The following ASTN2 variants were observed in gnomAD, a reference collection of about 807,000 sequenced individuals.
ASTN2 encodes the protein astrotactin 2.
In ASTN2, 54 loss-of-function variants were observed where a neutral mutation model predicts 139.8. That is an observed-to-expected ratio of 0.39 (90% CI 0.31 to 0.48). The LOEUF is 0.48. Ranked by LOEUF, ASTN2 falls within the 20% of genes least tolerant of loss-of-function variation. The pLI is 0.95. For missense variants in ASTN2, 1,565 were observed against 1,725.1 expected, an observed-to-expected ratio of 0.91 and a Z score of 1.64; for synonymous variants, 756 against 719.5, an observed-to-expected ratio of 1.05 and a Z score of -0.81.
intron 10 of ASTN2, among the ~76,000 whole-genome samples, chr9:116,902,173 G>C (rs1834027915): frequency 6.6e-6 from 1 of 152,218 alleles, no homozygotes; most frequent in Non-Finnish European, 1.5e-5. Context: ...CTCCATATGT[G>C]TTACTGCCCC....
chr9:116,715,707 T>C (rs193063525), intron 16 of ASTN2, among the ~76,000 whole-genome samples: 3 of 152,308 alleles, frequency 2.0e-5, no homozygotes, highest in East Asian at 3.9e-4. Flanking sequence ...TCTTTCCCAT[T>C]TGACTGTGGG....
chr9:116,919,248 G>C (rs896016085), intron 10 of ASTN2, among the ~76,000 whole-genome samples: 1 of 152,318 alleles, frequency 6.6e-6, no homozygotes, highest in South Asian at 2.1e-4. Flanking sequence ...GGTAGGGATG[G>C]AGGTGGAGGG....
chr9:117,294,036 G>A (rs1390695261), intron 1 of ASTN2, among the ~76,000 whole-genome samples: 5 of 152,210 alleles, frequency 3.3e-5, no homozygotes, highest in Non-Finnish European at 5.9e-5. Flanking sequence ...CTTGCTCCTA[G>A]CACTCTCTCC....
intron 1 of ASTN2, among the ~76,000 whole-genome samples, chr9:117,353,761 AC>A (rs1469457769): frequency 6.6e-6 from 1 of 151,996 alleles, no homozygotes; most frequent in Middle Eastern, 3.2e-3. Context: ...ACTAAATACG[AC>A]CCTTAAATGC....
chr9:117,345,682 G>A (rs1934485), intron 1 of ASTN2, among the ~76,000 whole-genome samples: 38,480 of 152,034 alleles, frequency 0.25, 6,123 homozygotes, highest in East Asian at 0.67. Context: ...ATGCAATGAC[G>A]AGAAATAACT....
chr9:116,927,345 T>C (rs1834782973), intron 10 of ASTN2, among the ~76,000 whole-genome samples: 1 of 152,186 alleles, frequency 6.6e-6, no homozygotes, highest in African/African-American at 2.4e-5. Flanking sequence ...ATGGCCATCC[T>C]GAAATAAATG....
At chr9:116,642,445 T>C (rs867410960) in intron 17 of ASTN2, among the ~76,000 whole-genome samples, 9 of 152,154 alleles carry the variant, frequency 5.9e-5, no homozygotes, top group Admixed American at 6.6e-5. Context: ...GTATCCCAAG[T>C]GCCCAGAACA....
intron 19 of ASTN2, among the ~76,000 whole-genome samples, chr9:116,548,710 G>T (rs1852211202): frequency 6.6e-6 from 1 of 152,098 alleles, no homozygotes; most frequent in African/African-American, 2.4e-5. Context: ...CTGACCTCAG[G>T]TGATCCACCG....
intron 10 of ASTN2, among the ~76,000 whole-genome samples, chr9:116,916,319 T>C (rs1195000908): frequency 6.6e-6 from 1 of 152,118 alleles, no homozygotes; most frequent in Non-Finnish European, 1.5e-5. Flanking sequence ...GAGTGAAAAT[T>C]CACAGAGTAG....
At chr9:116,517,725 A>G (rs1850709373) in intron 19 of ASTN2, among the ~76,000 whole-genome samples, 1 of 152,232 alleles carries the variant, frequency 6.6e-6, no homozygotes, top group Admixed American at 6.5e-5. Context: ...CACCAGAGAA[A>G]GGTGAAGTCC....
intron 15 of ASTN2, among the ~76,000 whole-genome samples, chr9:116,727,876 T>G (rs1291784625): frequency 6.6e-6 from 1 of 152,218 alleles, no homozygotes; most frequent in African/African-American, 2.4e-5. Flanking sequence ...AAATGAACTA[T>G]TATAAAATGC....
At chr9:117,299,593 G>A (rs149493584) in intron 1 of ASTN2, among the ~76,000 whole-genome samples, 169 of 152,242 alleles carry the variant, frequency 1.1e-3, no homozygotes, top group Middle Eastern at 3.4e-3. Context: ...GGGGGGAACC[G>A]GTATAAAACG....
intron 5 of ASTN2, among the ~76,000 whole-genome samples, chr9:117,046,271 G>C (rs1424820107): frequency 6.6e-6 from 1 of 152,098 alleles, no homozygotes; most frequent in South Asian, 2.1e-4. Flanking sequence ...AATGTGCTAG[G>C]ATTATAGGCA....
At chr9:117,133,427 A>G (rs1829870168) in intron 4 of ASTN2, among the ~76,000 whole-genome samples, 1 of 152,228 alleles carries the variant, frequency 6.6e-6, no homozygotes, top group African/African-American at 2.4e-5. Context: ...CCAGACCCTG[A>G]GCACACTGCC....
chr9:117,381,520 T>A (rs979314781), intron 1 of ASTN2, among the ~76,000 whole-genome samples: 1 of 152,110 alleles, frequency 6.6e-6, no homozygotes, highest in Non-Finnish European at 1.5e-5. Context: ...ATATGATCAC[T>A]TAAAAGTGTG....
intron 7 of ASTN2, among the ~76,000 whole-genome samples, chr9:116,999,761 T>A (rs1837141164): frequency 6.6e-6 from 1 of 151,930 alleles, no homozygotes; most frequent in South Asian, 2.1e-4. Context: ...AGTTTCACAG[T>A]GTGGGCCAGG....
At chr9:116,744,360 C>A (rs890449516) in intron 13 of ASTN2, among the ~76,000 whole-genome samples, 2 of 152,090 alleles carry the variant, frequency 1.3e-5, no homozygotes, top group African/African-American at 2.4e-5. Flanking sequence ...GGGCTTCATT[C>A]TAAGGGTAAG....
chr9:116,751,615 G>T (rs1588264193), intron 13 of ASTN2, among the ~76,000 whole-genome samples: 1 of 151,870 alleles, frequency 6.6e-6, no homozygotes, highest in Admixed American at 6.6e-5. Context: ...GAAAATCCCA[G>T]AGAATCCACA....
At chr9:117,056,764 C>T (rs553949578) in intron 5 of ASTN2, among the ~76,000 whole-genome samples, 1 of 152,100 alleles carries the variant, frequency 6.6e-6, no homozygotes, top group Admixed American at 6.6e-5. Flanking sequence ...TACAATCAGA[C>T]AAATAAAGTT....
Sources: gnomAD v4.1 joint callset for allele counts (sites outside exome capture counted in the v4.1 genomes callset) on GRCh38, gnomAD v4.1.1 for gene constraint, MANE v1.5 for transcripts, NCBI Gene and HGNC (gene_info 2026-07-23, HGNC 2026-07-21) for gene names.